The following MRPS21 variants were observed in gnomAD, a reference collection of about 807,000 sequenced individuals.
MRPS21 encodes mitochondrial ribosomal protein S21.
Under a neutral mutation model 9.9 loss-of-function variants are expected in MRPS21, and 8 were observed. The observed-to-expected ratio is 0.81, with a 90% confidence interval of 0.47 to 1.45. The LOEUF (loss-of-function observed/expected upper bound fraction) is 1.45, where lower values mean the gene tolerates loss of function less well. Among genes scored for constraint, MRPS21 ranks in the 40% most tolerant of loss-of-function variants. The pLI is 0.00. For missense variants in MRPS21, 101 were observed against 118.9 expected, an observed-to-expected ratio of 0.85 and a Z score of 0.70; for synonymous variants, 40 against 40.3, an observed-to-expected ratio of 0.99 and a Z score of 0.03.
At chr1:150,306,529 C>T (rs587748531) in intron 2 of MRPS21, among the ~76,000 whole-genome samples, 177 of 147,524 alleles carry the variant, frequency 1.2e-3, no homozygotes, top group Non-Finnish European at 1.6e-3. Context: ...GAGTTTCACT[C>T]TTGTTGCCCA....
rs71578481 is a variant in MRPS21 at position 150,308,677 on chromosome 1, C to CA, written c.*458dup. The CA allele has an allele frequency of 1, 150,348 of 150,580 alleles. 75,058 individuals are homozygous for CA. The highest frequency in any genetic ancestry group is 1 in the Middle Eastern group (338 of 338). The allele number at this position is 150,580 out of a possible 1,614,324, so 9.3% of individuals were successfully genotyped here. On this transcript the variant is annotated 3_prime_UTR_variant, in exon 3 of 3. Coordinates refer to ENST00000614145, the MANE Select transcript of MRPS21 (RefSeq NM_031901.6). Reference sequence around the variant, plus strand: ...TGAAACCCCATCTCTACTAAAAATACAAAAAAAAATTGGCCGGGCGTGGTG... The same window carrying CA: ...TGAAACCCCATCTCTACTAAAAATACAAAAAAAAAATTGGCCGGGCGTGGTG...
chr1:150,305,867 TA>T (rs34869016), intron 2 of MRPS21, among the ~76,000 whole-genome samples: 63,068 of 151,942 alleles, frequency 0.42, 13,571 homozygotes, highest in East Asian at 0.7. Context: ...GATATATATA[TA>T]GGGGGCAATT....
At chr1:150,294,773 C>T (rs1395073437) in intron 2 of MRPS21, among the ~76,000 whole-genome samples, 1 of 151,380 alleles carries the variant, frequency 6.6e-6, no homozygotes, top group Admixed American at 6.6e-5. Context: ...GTGGCAAACG[C>T]CTGTAATCTC....
chr1:150,307,238 G>A (rs1317847561), intron 2 of MRPS21, among the ~76,000 whole-genome samples: 1 of 151,720 alleles, frequency 6.6e-6, no homozygotes, highest in African/African-American at 2.4e-5. Flanking sequence ...AGTAGAGACG[G>A]GGTTTCACCA....
intron 2 of MRPS21, among the ~76,000 whole-genome samples, chr1:150,300,621 G>A (rs1654081034): frequency 6.6e-6 from 1 of 152,182 alleles, no homozygotes; most frequent in South Asian, 2.1e-4. Flanking sequence ...AAATTAAAAT[G>A]TAAGGTGAAC....
chr1:150,301,598 T>G (rs587753254), intron 2 of MRPS21, among the ~76,000 whole-genome samples: 2 of 147,282 alleles, frequency 1.4e-5, no homozygotes, highest in African/African-American at 2.5e-5. Flanking sequence ...AATATTTCAG[T>G]CTTAGAATAA....
At chr1:150,302,103 T>C (rs1654158317) in intron 2 of MRPS21, among the ~76,000 whole-genome samples, 1 of 152,198 alleles carries the variant, frequency 6.6e-6, no homozygotes, top group African/African-American at 2.4e-5. Context: ...ACTCCAGGCC[T>C]CTCCTGATCT....
intron 2 of MRPS21, among the ~76,000 whole-genome samples, chr1:150,299,377 T>C (rs1654027926): frequency 6.6e-6 from 1 of 152,180 alleles, no homozygotes; most frequent in Admixed American, 6.6e-5. Flanking sequence ...TAAAAATCCT[T>C]GTCCAGCCAC....
In MRPS21 at chr1:150,307,348, C is replaced by CTTTTTTTTTTTTTTT. The variant is rs1572154026; in HGVS notation, c.84-692_84-678dup. On this transcript the variant is annotated intron_variant, in intron 2 of 2. Transcript: ENST00000614145. ...CAGGCATGAGTCACTGTGCCCAGTC[C>CTTTTTTTTTTTTTTT]TTTTTTTTTTTTTTTTTTTTTTCCT... Among the ~76,000 whole-genome samples the CTTTTTTTTTTTTTTT allele has an allele frequency of 3.4e-5, 3 of 87,552 alleles. 1 individual carries two copies. The allele number at this position is 87,552 out of a possible 152,430, so 57.4% of individuals were successfully genotyped here. A position where few individuals can be genotyped will look rare whatever the true frequency, so the allele number is the denominator to read the frequency against.
In MRPS21 at chr1:150,307,348, CTT is replaced by C. The variant is rs1572154026; in HGVS notation, c.84-679_84-678del. On this transcript the variant is annotated intron_variant, in intron 2 of 2. Coordinates refer to ENST00000614145, the MANE Select transcript of MRPS21 (RefSeq NM_031901.6). ...CAGGCATGAGTCACTGTGCCCAGTCCTTTTTTTTTTTTTTTTTTTTTTCCTTT... is the reference window on the plus strand; with the variant it reads ...CAGGCATGAGTCACTGTGCCCAGTCCTTTTTTTTTTTTTTTTTTTTCCTTT... 3.8e-4 allele frequency among the ~76,000 whole-genome samples: 33 copies of C among 87,512 alleles called. No individual in the cohort carries two copies. The East Asian group carries it at 6.3e-3, about 17-fold the overall frequency. 57.4% of individuals were successfully genotyped at this position (87,512 alleles called of 152,430 possible).
At chr1:150,307,967 G>T in intron 2 of MRPS21, 81 bp from the exon 3 acceptor site, 1 of 1,306,450 alleles carries the variant, frequency 7.7e-7, no homozygotes, top group South Asian at 1.9e-5. Flanking sequence ...CAATTGTTTG[G>T]TCAATCGACT....
intron 2 of MRPS21, 97 bp downstream of exon 2, chr1:150,294,546 C>G: frequency 2.0e-6 from 2 of 1,020,008 alleles, no homozygotes; most frequent in Non-Finnish European, 3.0e-6. Flanking sequence ...CAAAACAGTG[C>G]CAGCCCAGGT....
intron 2 of MRPS21, among the ~76,000 whole-genome samples, chr1:150,306,582 G>A (rs1351940167): frequency 3.3e-5 from 5 of 151,746 alleles, no homozygotes; most frequent in Admixed American, 2.0e-4. Flanking sequence ...TGCAATCTCC[G>A]CCCCCAGGGT....
chr1:150,302,649 T>G (rs1654187739), intron 2 of MRPS21, among the ~76,000 whole-genome samples: 1 of 152,158 alleles, frequency 6.6e-6, no homozygotes, highest in Non-Finnish European at 1.5e-5. Context: ...GCGCCCGAAC[T>G]CCAGGCTGAT....
chr1:150,304,660 C>T (rs1654258755), intron 2 of MRPS21: 3 of 202,424 alleles, frequency 1.5e-5, no homozygotes, highest in Admixed American at 6.4e-5. Flanking sequence ...GAGCCTGAGG[C>T]AAGAGAATCT....
At chr1:150,297,825 T>A (rs1312279934) in intron 2 of MRPS21, among the ~76,000 whole-genome samples, 1 of 152,170 alleles carries the variant, frequency 6.6e-6, no homozygotes, top group East Asian at 1.9e-4. Flanking sequence ...TCTCTGTTTC[T>A]CCTCATTTCT....
Position 150,296,878 on chromosome 1 carries a change from G to C in MRPS21, c.83+2429G>C, listed in dbSNP as rs587618665. ...AAAAACCAGAATCCTCATCTGATTG[G>C]GTTTAAATATTGGTAGGGTTCTTGA... On this transcript the variant is annotated intron_variant, in intron 2 of 2. Coordinates refer to ENST00000614145, the MANE Select transcript of MRPS21 (RefSeq NM_031901.6). Among the ~76,000 whole-genome samples, 20 of 152,262 alleles carry C rather than the reference G, an allele frequency of 1.3e-4. No homozygotes were observed. In the South Asian group the frequency reaches 3.9e-3, roughly 30 times the overall value.
At chr1:150,302,786 G>A (rs1015734318) in intron 2 of MRPS21, among the ~76,000 whole-genome samples, 2 of 152,140 alleles carry the variant, frequency 1.3e-5, no homozygotes, top group Non-Finnish European at 2.9e-5. Flanking sequence ...TTTTCTGTTA[G>A]AGGTAAAGTT....
chr1:150,300,961 G>C (rs587717050), intron 2 of MRPS21, among the ~76,000 whole-genome samples: 1 of 152,244 alleles, frequency 6.6e-6, no homozygotes, highest in East Asian at 1.9e-4. Flanking sequence ...ACTTTGGGAG[G>C]CCGAGGCGGG....
Sources: allele counts gnomAD v4.1 joint callset (sites outside exome capture counted in the v4.1 genomes callset), GRCh38; gene constraint gnomAD v4.1.1; transcripts MANE v1.5; gene names NCBI Gene and HGNC (gene_info 2026-07-23, HGNC 2026-07-21).